Variants in SYT10 observed in about 807,000 individuals in gnomAD.
SYT10 encodes synaptotagmin-10.
SYT10 carries 31 observed loss-of-function variants against 51.1 expected under a neutral mutation model. That is an observed-to-expected ratio of 0.61 (90% CI 0.46 to 0.82). The LOEUF (loss-of-function observed/expected upper bound fraction) is 0.82. Among genes scored for constraint, SYT10 ranks in the 40% least tolerant of loss-of-function variants. The pLI is 0.00. For missense variants in SYT10, 603 were observed against 634.0 expected, an observed-to-expected ratio of 0.95 and a Z score of 0.53; for synonymous variants, 233 against 225.9, an observed-to-expected ratio of 1.03 and a Z score of -0.28.
At chr12:33,434,560 T>G (rs1265158138) in intron 1 of SYT10, among the ~76,000 whole-genome samples, 1 of 152,146 alleles carries the variant, frequency 6.6e-6, no homozygotes, top group Non-Finnish European at 1.5e-5. Flanking sequence ...TCTCAGCACT[T>G]TGGGATGCAG....
At chr12:33,382,198 AAC>A in intron 5 of SYT10, 149 bp downstream of exon 5, 1 of 796,056 alleles carries the variant, frequency 1.3e-6, no homozygotes, top group South Asian at 3.7e-5. Context: ...CCAGAACTAT[AAC>A]ACAGAAAACA....
intron 2 of SYT10, among the ~76,000 whole-genome samples, chr12:33,410,575 A>G (rs1866396819): frequency 6.6e-6 from 1 of 152,204 alleles, no homozygotes; most frequent in Non-Finnish European, 1.5e-5. Flanking sequence ...TCAAACTAGT[A>G]AAGTGGTGGA....
rs1356281066 is a variant in SYT10, at chr12:33,426,342, C to A, written c.305G>T (p.Ser102Ile). The change falls in exon 2 of 7, where the codon AGT (serine) becomes ATT (isoleucine). Residue 102 changes from serine to isoleucine, a missense_variant. Ser to Ile is a moderately radical substitution (Grantham distance 142). Coordinates refer to ENST00000228567, the MANE Select transcript of SYT10 (RefSeq NM_198992.4). Reference sequence around the variant, plus strand: ...AGTCTCAAAAACTTCAGTAGGAGCACTTGAAATGCTCTGTGGAAGCGTAGT... The same window carrying A: ...AGTCTCAAAAACTTCAGTAGGAGCAATTGAAATGCTCTGTGGAAGCGTAGT... ...NITTLPQSISSAPTEVFETEE... is the reference protein window; with the variant it reads ...NITTLPQSISIAPTEVFETEE... 6 of 1,614,038 alleles carry A rather than the reference C, an allele frequency of 3.7e-6. No homozygotes were observed. The highest frequency in any genetic ancestry group is 1.1e-5 in the South Asian group (1 of 91,076).
At chr12:33,388,038 A>G (rs1416900530) in intron 3 of SYT10, among the ~76,000 whole-genome samples, 1 of 152,022 alleles carries the variant, frequency 6.6e-6, no homozygotes, top group African/African-American at 2.4e-5. Context: ...AATCTCACAC[A>G]CGCAATGTGG....
intron 3 of SYT10, among the ~76,000 whole-genome samples, chr12:33,400,578 C>CA (rs1555115324): frequency 0.18 from 15,735 of 86,102 alleles, 959 homozygotes; most frequent in African/African-American, 0.36. Context: ...ACAGTTGGTG[C>CA]AAAAAAAAAA....
chr12:33,382,200 C>T, intron 5 of SYT10, 149 bp downstream of exon 5: 1 of 807,936 alleles, frequency 1.2e-6, no homozygotes, highest in Non-Finnish European at 1.7e-6. Context: ...AGAACTATAA[C>T]ACAGAAAACA....
In SYT10 at chr12:33,439,486, A is replaced by T. The variant is rs550901250; in HGVS notation, c.37T>A (p.Cys13Ser). Residue 13 changes from cysteine (C) to serine (S), a missense_variant, in exon 1 of 7, where the codon TGC becomes AGC. Cys to Ser is a moderately radical substitution (Grantham distance 112). Transcript: ENST00000228567. ...FHKEDGVNSLCQKALHIVTEL... is the reference protein window; with the variant it reads ...FHKEDGVNSLSQKALHIVTEL... Reference sequence around the variant, plus strand: ...GTGACGATGTGCAGAGCCTTCTGGCACAGACTGTTCACTCCGTCCTCCTTG... The same window carrying T: ...GTGACGATGTGCAGAGCCTTCTGGCTCAGACTGTTCACTCCGTCCTCCTTG... 5.0e-6 allele frequency: 8 copies of T among 1,614,202 alleles called. No homozygotes were observed. The highest frequency in any genetic ancestry group is 5.9e-6 in the Non-Finnish European group (7 of 1,180,010).
intron 6 of SYT10, 41 bp downstream of exon 6, chr12:33,379,791 A>G: frequency 6.2e-7 from 1 of 1,608,472 alleles, no homozygotes; most frequent in East Asian, 2.2e-5. Context: ...TAAGCAAAAG[A>G]GACAACAAAA....
At chr12:33,391,588 C>T (rs1866207365) in intron 3 of SYT10, among the ~76,000 whole-genome samples, 1 of 152,126 alleles carries the variant, frequency 6.6e-6, no homozygotes, top group Non-Finnish European at 1.5e-5. Flanking sequence ...ATAATCAAAT[C>T]ACCTCTGACT....
intron 1 of SYT10, among the ~76,000 whole-genome samples, chr12:33,431,124 G>A (rs1352613405): frequency 2.0e-5 from 3 of 152,108 alleles, no homozygotes; most frequent in African/African-American, 4.8e-5. Context: ...AAGCTACTAC[G>A]TCCATATTTC....
intron 1 of SYT10, among the ~76,000 whole-genome samples, chr12:33,438,130 A>T (rs1240246232): frequency 3.3e-5 from 5 of 152,086 alleles, no homozygotes; most frequent in Non-Finnish European, 7.4e-5. Context: ...GCTTTGACGC[A>T]GGGGTGGTGG....
chr12:33,394,051 A>G (rs1228412913), intron 3 of SYT10, among the ~76,000 whole-genome samples: 1 of 152,164 alleles, frequency 6.6e-6, no homozygotes, highest in Admixed American at 6.6e-5. Context: ...ATATAAGTAG[A>G]TTATACATTA....
At chr12:33,380,828 T>A (rs1866107782) in intron 5 of SYT10, among the ~76,000 whole-genome samples, 1 of 152,202 alleles carries the variant, frequency 6.6e-6, no homozygotes, top group Non-Finnish European at 1.5e-5. Flanking sequence ...TTCTCAAGAA[T>A]GGAATGTCAT....
At chr12:33,401,526 ATAAT>A (rs1866304417) in intron 3 of SYT10, among the ~76,000 whole-genome samples, 1 of 152,198 alleles carries the variant, frequency 6.6e-6, no homozygotes, top group Non-Finnish European at 1.5e-5. Flanking sequence ...TCCTTCATAT[ATAAT>A]TTATTATTAA....
At chr12:33,410,454 G>C (rs78811719) in intron 2 of SYT10, among the ~76,000 whole-genome samples, 4,501 of 152,264 alleles carry the variant, frequency 0.03, 185 homozygotes, top group East Asian at 0.14. Context: ...AAACTGAAAT[G>C]AGCTGTGAGA....
At chr12:33,385,444 G>A (rs1866149483) in intron 3 of SYT10, among the ~76,000 whole-genome samples, 153 bp from the exon 4 acceptor site, 1 of 152,138 alleles carries the variant, frequency 6.6e-6, no homozygotes, top group Non-Finnish European at 1.5e-5. Context: ...AATGCAGTAA[G>A]CAAAAAGAGT....
intron 1 of SYT10, among the ~76,000 whole-genome samples, chr12:33,435,377 T>C (rs912162836): frequency 3.3e-5 from 5 of 152,220 alleles, no homozygotes; most frequent in Admixed American, 6.5e-5. Flanking sequence ...AGGTCTCCAT[T>C]TGCATTTGAA....
In SYT10 at chr12:33,382,536, T is replaced by C; in HGVS notation, c.1199-16A>G. 1 of 1,565,380 alleles carries C rather than the reference T, an allele frequency of 6.4e-7. No homozygotes were observed. Among genetic ancestry groups the C allele is most frequent in the Non-Finnish European group, 8.6e-7 (1 of 1,162,814 alleles). ...ACATAAGGATCTAGGAATAAGAAGA[T>C]AACTTTATTAAAATAAAAGTAATAG... On this transcript the variant is annotated splice_polypyrimidine_tract_variant and intron_variant, in intron 4 of 6. Coordinates refer to ENST00000228567, the MANE Select transcript of SYT10 (RefSeq NM_198992.4).
rs1017854479 is a variant in SYT10 at position 33,380,043 on chromosome 12, A to C, written c.1371-82T>G. The C allele has an allele frequency of 2.1e-6, 3 of 1,441,902 alleles. No individual in the cohort carries two copies. In the African/African-American group the frequency reaches 4.3e-5, roughly 21 times the overall value. 89.3% of individuals were successfully genotyped at this position (1,441,902 alleles called of 1,614,324 possible). A position where few individuals can be genotyped will look rare whatever the true frequency, so the allele number is the denominator to read the frequency against. On this transcript the variant is annotated intron_variant, in intron 5 of 6. Transcript: ENST00000228567. ...TCACAAATCGTAGTAGAATTTTAAA[A>C]ATATGATTAAAACATTAGATTCTGT...
Sources: gnomAD v4.1 joint callset for allele counts (sites outside exome capture counted in the v4.1 genomes callset) on GRCh38, gnomAD v4.1.1 for gene constraint, MANE v1.5 for transcripts, NCBI Gene and HGNC (gene_info 2026-07-23, HGNC 2026-07-21) for gene names.